Variants in TOP1 observed in about 807,000 individuals in gnomAD.
The protein encoded by TOP1 is DNA topoisomerase I.
In TOP1, 10 loss-of-function variants were observed where a neutral mutation model predicts 111.1. That is an observed-to-expected ratio of 0.09 (90% CI 0.06 to 0.15). The LOEUF (loss-of-function observed/expected upper bound fraction) is 0.15, where lower values mean the gene tolerates loss of function less well. TOP1 is among the 10% of genes least tolerant of loss of function. TOP1 has a pLI of 1.00. For synonymous variants in TOP1, 271 were observed against 302.9 expected (o/e 0.89, Z 1.10); for missense variants, 474 against 926.7 (o/e 0.51, Z 6.34).
chr20:41,107,380 AT>A (rs2034162960), intron 13 of TOP1, among the ~76,000 whole-genome samples: 1 of 151,974 alleles, frequency 6.6e-6, no homozygotes, highest in South Asian at 2.1e-4. Context: ...TTTAAACTAT[AT>A]TTTCATACTC....
chr20:41,119,931 C>T (rs1292924278), intron 18 of TOP1, among the ~76,000 whole-genome samples: 2 of 152,226 alleles, frequency 1.3e-5, no homozygotes, highest in African/African-American at 4.8e-5. Flanking sequence ...GTGCTGTTTA[C>T]CTAATTCAGG....
At position 41,114,349 on chromosome 20, in the gene TOP1, G is replaced by A. The variant is rs2145966213; in HGVS notation, c.1638+194G>A. 6.6e-6 allele frequency among the ~76,000 whole-genome samples: 1 copy of A among 152,354 alleles called. No homozygotes were observed. Among genetic ancestry groups the A allele is most frequent in the East Asian group, 1.9e-4 (1 of 5,188 alleles). ...GGATCACTGGAGACCAAAAGTTTGAGGCTGTAGTGTGCTGTGATCACACCT... is the reference window on the plus strand; with the variant it reads ...GGATCACTGGAGACCAAAAGTTTGAAGCTGTAGTGTGCTGTGATCACACCT... On this transcript the variant is annotated intron_variant, in intron 15 of 20. Coordinates refer to ENST00000361337, the MANE Select transcript of TOP1 (RefSeq NM_003286.4). The surrounding 1 kb of genome is among the most constrained non-coding windows in gnomAD (Gnocchi z 4.5).
chr20:41,064,242 G>C (rs2033580571), intron 3 of TOP1, among the ~76,000 whole-genome samples: 1 of 151,908 alleles, frequency 6.6e-6, no homozygotes, highest in Admixed American at 6.6e-5. Flanking sequence ...TTTATTTCTG[G>C]GTTCTCTGTT....
chr20:41,117,811 A>G (rs1448274739), intron 17 of TOP1, among the ~76,000 whole-genome samples: 1 of 152,160 alleles, frequency 6.6e-6, no homozygotes, highest in African/African-American at 2.4e-5. Context: ...CCATAGTAAT[A>G]TCAGCAGCAC....
chr20:41,041,732 A>G (rs2033267807), intron 2 of TOP1, among the ~76,000 whole-genome samples: 1 of 152,202 alleles, frequency 6.6e-6, no homozygotes, highest in Non-Finnish European at 1.5e-5. Context: ...ATGTATCTTC[A>G]ACAATCCCAA....
chr20:41,107,491 T>A (rs2034164964), intron 13 of TOP1, among the ~76,000 whole-genome samples: 1 of 152,252 alleles, frequency 6.6e-6, no homozygotes, highest in Admixed American at 6.5e-5. Context: ...TTATATTTAA[T>A]CTACAAGTTA....
At chr20:41,077,886 T>C (rs1235482044) in intron 5 of TOP1, among the ~76,000 whole-genome samples, 1 of 152,172 alleles carries the variant, frequency 6.6e-6, no homozygotes, top group Non-Finnish European at 1.5e-5. Flanking sequence ...GGAGAGATTT[T>C]TAAAAATTGA....
intron 3 of TOP1, among the ~76,000 whole-genome samples, chr20:41,065,873 C>A (rs1481292001): frequency 6.6e-6 from 1 of 151,980 alleles, no homozygotes; most frequent in Non-Finnish European, 1.5e-5. Context: ...TTTCATTCTC[C>A]GGGGTGTATA....
chr20:41,065,097 G>T (rs1052308023), intron 3 of TOP1, among the ~76,000 whole-genome samples: 1 of 152,066 alleles, frequency 6.6e-6, no homozygotes, highest in African/African-American at 2.4e-5. Context: ...TAGAGACAGG[G>T]TTTCACCATG....
At chr20:41,091,210 T>A (rs1396753020) in intron 8 of TOP1, among the ~76,000 whole-genome samples, 1 of 152,182 alleles carries the variant, frequency 6.6e-6, no homozygotes, top group East Asian at 1.9e-4. Context: ...AATAAAATAA[T>A]AAATAAAATA....
rs2034149464 is a variant in TOP1, at chr20:41,106,618, T to A, written c.1308+5265T>A. ...TCATAAAGGTTTTACATTTAAAAAA[T>A]TCTTATTTTTAAGTGATCTTATAGT... On this transcript the variant is annotated intron_variant, in intron 13 of 20. Coordinates refer to ENST00000361337, the MANE Select transcript of TOP1 (RefSeq NM_003286.4). The surrounding 1 kb of genome is among the most constrained non-coding windows in gnomAD (Gnocchi z 4.3). 6.6e-6 allele frequency among the ~76,000 whole-genome samples: 1 copy of A among 152,200 alleles called. No individual in the cohort carries two copies. The highest frequency in any genetic ancestry group is 6.5e-5 in the Admixed American group (1 of 15,282).
chr20:41,118,763 A>G lies in TOP1; in HGVS notation c.1950+467A>G, dbSNP rs1390224718. ...TTTTTATTTTTACGCATTCCACATG[A>G]ATCATATTTTTATATAGTTCATCAT... On this transcript the variant is annotated intron_variant, in intron 18 of 20. Coordinates refer to ENST00000361337, the MANE Select transcript of TOP1 (RefSeq NM_003286.4). This position sits in a 1 kb window ranked among gnomAD's most constrained non-coding sequence, Gnocchi z 4.6. Among the ~76,000 whole-genome samples the G allele has an allele frequency of 6.6e-6, 1 of 152,238 alleles. No homozygotes were observed.
chr20:41,097,665 A>G lies in TOP1; in HGVS notation c.852+324A>G, dbSNP rs982461744. Among the ~76,000 whole-genome samples, 1 of 152,198 alleles carries G rather than the reference A, an allele frequency of 6.6e-6. No homozygotes were observed. Among genetic ancestry groups the G allele is most frequent in the African/African-American group, 2.4e-5 (1 of 41,456 alleles). On this transcript the variant is annotated intron_variant, in intron 10 of 20. Transcript: ENST00000361337. This position sits in a 1 kb window ranked among gnomAD's most constrained non-coding sequence, Gnocchi z 4.2. ...AGGACTGCCCCGTGTCTGCTGTTGC[A>G]AAGAGAAATGTTAATCTGATGTCCC...
intron 3 of TOP1, among the ~76,000 whole-genome samples, chr20:41,074,518 C>T (rs1158596413): frequency 6.6e-6 from 1 of 151,178 alleles, no homozygotes; most frequent in Non-Finnish European, 1.5e-5. Context: ...TATTTCAATA[C>T]TTGGGTCTTT....
At chr20:41,052,294 T>C (rs2033415548) in intron 2 of TOP1, among the ~76,000 whole-genome samples, 1 of 152,238 alleles carries the variant, frequency 6.6e-6, no homozygotes, top group African/African-American at 2.4e-5. Context: ...TGCTCTGCAG[T>C]GCCTCTATCA....
intron 2 of TOP1, among the ~76,000 whole-genome samples, chr20:41,056,924 T>G (rs898357811): frequency 6.6e-6 from 1 of 152,040 alleles, no homozygotes; most frequent in Admixed American, 6.6e-5. Flanking sequence ...TTTAAAAAAC[T>G]TGGGGACCTG....
intron 13 of TOP1, among the ~76,000 whole-genome samples, chr20:41,111,985 T>A (rs1057056614): frequency 6.6e-6 from 1 of 152,230 alleles, no homozygotes. Flanking sequence ...TCACATGGTT[T>A]TAGTAACCCT....
At position 41,110,325 on chromosome 20, in the gene TOP1, A is replaced by G. The variant is rs77469808; in HGVS notation, c.1309-2457A>G. 0.068 allele frequency among the ~76,000 whole-genome samples: 10,325 copies of G among 152,222 alleles called. 372 individuals are homozygous for G. Among genetic ancestry groups the G allele is most frequent in the Middle Eastern group, 0.17 (50 of 294 alleles). On this transcript the variant is annotated intron_variant, in intron 13 of 20. Transcript: ENST00000361337. The surrounding 1 kb of genome is among the most constrained non-coding windows in gnomAD (Gnocchi z 4.2). ...GTTAAAAAGGCAGACAGAGGAGTCT[A>G]TATTGTATGATTCTATTTATATAAT...
chr20:41,029,670 C>T lies in TOP1; in HGVS notation c.58+215C>T. 1.6e-6 allele frequency: 1 copy of T among 643,144 alleles called. No homozygotes were observed. Among genetic ancestry groups the T allele is most frequent in the Non-Finnish European group, 2.8e-6 (1 of 353,300 alleles). 39.8% of individuals were successfully genotyped at this position (643,144 alleles called of 1,614,324 possible). ...TCCCGGCCCTCCCAAGAGGGGACAA[C>T]GGAGACCCCGTGTCGTCCGCCACCG... On this transcript the variant is annotated intron_variant, in intron 2 of 20. Coordinates refer to ENST00000361337, the MANE Select transcript of TOP1 (RefSeq NM_003286.4). The surrounding 1 kb of genome is among the most constrained non-coding windows in gnomAD (Gnocchi z 6.1).
Sources: gnomAD v4.1 joint callset for allele counts (sites outside exome capture counted in the v4.1 genomes callset) on GRCh38, gnomAD v4.1.1 for gene constraint, Gnocchi (gnomAD v3.1) non-coding constraint, MANE v1.5 for transcripts, NCBI Gene and HGNC (gene_info 2026-07-23, HGNC 2026-07-21) for gene names.